The following RBFOX3 variants were observed in gnomAD, a reference collection of about 807,000 sequenced individuals.
RBFOX3 encodes RNA binding fox-1 homolog 3.
A neutral mutation model predicts 48.7 loss-of-function variants in RBFOX3; 17 were observed. The ratio of observed to expected loss-of-function variants is 0.35; its 90% confidence interval spans 0.24 to 0.52. The LOEUF is 0.52. Ranked by LOEUF, RBFOX3 falls within the 20% of genes least tolerant of loss-of-function variation. RBFOX3 has a pLI of 0.94. For synonymous variants in RBFOX3, 212 were observed against 209.5 expected, an observed-to-expected ratio of 1.01 and a Z score of -0.10; for missense variants, 382 against 497.5, an observed-to-expected ratio of 0.77 and a Z score of 2.21.
At chr17:79,250,797 C>A in intron 3 of RBFOX3, among the ~76,000 whole-genome samples, 1 of 115,898 alleles carries the variant, frequency 8.6e-6, no homozygotes, top group East Asian at 3.0e-4. Context: ...CCCTTCCTTT[C>A]CCTCCCTCCC....
intron 4 of RBFOX3, among the ~76,000 whole-genome samples, chr17:79,142,734 T>C (rs1293279551): frequency 6.6e-6 from 1 of 152,146 alleles, no homozygotes; most frequent in Non-Finnish European, 1.5e-5. Flanking sequence ...TGACCCAGTC[T>C]GGGGCTCTTA....
At chr17:79,373,869 T>C (rs1185480854) in intron 2 of RBFOX3, among the ~76,000 whole-genome samples, 2 of 149,884 alleles carry the variant, frequency 1.3e-5, no homozygotes, top group Admixed American at 1.3e-4. Context: ...GTTTTTGTTT[T>C]TGTTTTGAGA....
intron 4 of RBFOX3, among the ~76,000 whole-genome samples, chr17:79,215,309 C>G (rs2058896711): frequency 6.6e-6 from 1 of 152,194 alleles, no homozygotes; most frequent in South Asian, 2.1e-4. Context: ...GGCTGCAGCC[C>G]CGTCAACCAA....
Position 79,411,439 on chromosome 17 carries a change from C to T in RBFOX3, c.-175+71015G>A, listed in dbSNP as rs561233210. ...GTCCCTCTGTGTGGAGCATTCTTCCCTGGGGAGCGTGTTCAGCCTTGGCCT... is the reference window on the plus strand; with the variant it reads ...GTCCCTCTGTGTGGAGCATTCTTCCTTGGGGAGCGTGTTCAGCCTTGGCCT... On this transcript the variant is annotated intron_variant, in intron 2 of 14. Coordinates refer to ENST00000693108, the MANE Select transcript of RBFOX3 (RefSeq NM_001350451.2). 2.6e-5 allele frequency among the ~76,000 whole-genome samples: 4 copies of T among 152,304 alleles called. No individual in the cohort carries two copies. The South Asian group carries it at 8.3e-4, about 32-fold the overall frequency.
At chr17:79,228,279 C>T (rs2060570137) in intron 4 of RBFOX3, among the ~76,000 whole-genome samples, 1 of 152,294 alleles carries the variant, frequency 6.6e-6, no homozygotes, top group African/African-American at 2.4e-5. Flanking sequence ...GGCGGGGTGG[C>T]CATGAAGCCT....
chr17:79,621,262 G>A, the RBFOX3 span, among the ~76,000 whole-genome samples: 4 of 152,098 alleles, frequency 2.6e-5, no homozygotes, highest in African/African-American at 9.6e-5. Flanking sequence ...GCCTCCCAAA[G>A]TGCTGGAATT....
intron 1 of RBFOX3, among the ~76,000 whole-genome samples, chr17:79,607,742 A>G (rs2093866928): frequency 6.6e-6 from 1 of 152,126 alleles, no homozygotes; most frequent in African/African-American, 2.4e-5. Flanking sequence ...TGGCTGGGAG[A>G]GAGGTGTCAA....
At chr17:79,448,313 G>C (rs1180781357) in intron 2 of RBFOX3, among the ~76,000 whole-genome samples, 1 of 152,178 alleles carries the variant, frequency 6.6e-6, no homozygotes, top group East Asian at 1.9e-4. Flanking sequence ...ATGTGTCCAA[G>C]TCCTAACCTG....
intron 3 of RBFOX3, among the ~76,000 whole-genome samples, chr17:79,279,782 AG>A (rs1249100756): frequency 1.3e-5 from 2 of 152,178 alleles, no homozygotes; most frequent in African/African-American, 4.8e-5. Flanking sequence ...CACCCCAGGC[AG>A]GGGGAGGTCA....
chr17:79,551,006 C>T (rs1375282076), intron 1 of RBFOX3, among the ~76,000 whole-genome samples: 1 of 152,128 alleles, frequency 6.6e-6, no homozygotes, highest in Non-Finnish European at 1.5e-5. Context: ...AGCCGCTAGC[C>T]CCATGTGGCT....
intron 1 of RBFOX3, among the ~76,000 whole-genome samples, chr17:79,609,965 G>A (rs886256824): frequency 6.3e-4 from 95 of 151,988 alleles, no homozygotes; most frequent in Non-Finnish European, 1.1e-3. Context: ...GGGCGTGCCC[G>A]GCTTTCCCAG....
At chr17:79,270,571 G>A (rs575616051) in intron 3 of RBFOX3, among the ~76,000 whole-genome samples, 51 of 152,332 alleles carry the variant, frequency 3.3e-4, no homozygotes, top group African/African-American at 1.0e-3. Flanking sequence ...AACAAGGGCC[G>A]CCATTTCTCA....
At chr17:79,622,248 G>A in the RBFOX3 span, among the ~76,000 whole-genome samples, 643 of 152,300 alleles carry the variant, frequency 4.2e-3, 1 homozygote, top group Non-Finnish European at 7.5e-3. Flanking sequence ...CCGCCTGCCC[G>A]TGGAGCCTGA....
At position 79,610,485 on chromosome 17, in the gene RBFOX3, TGCCACC is replaced by T. The variant is rs1448401979; in HGVS notation, c.-320+335_-320+340del. 5.2e-4 allele frequency among the ~76,000 whole-genome samples: 78 copies of T among 149,952 alleles called. 1 individual carries two copies. Among genetic ancestry groups the T allele is most frequent in the African/African-American group, 1.9e-3 (77 of 41,256 alleles). The stretch of plus-strand genomic sequence containing the variant: ...CCACCACCGCCACCGCCACCGCCAC[TGCCACC>T]GCCACGCAGCGCGCGGGACTCCCTG... On this transcript the variant is annotated intron_variant, in intron 1 of 14. Transcript: ENST00000693108.
chr17:79,542,491 C>G (rs558445516), intron 1 of RBFOX3, among the ~76,000 whole-genome samples: 2 of 149,436 alleles, frequency 1.3e-5, no homozygotes, highest in Admixed American at 6.6e-5. Context: ...GGCAGTCCCA[C>G]GGGCAATTTT....
At chr17:79,544,337 C>T (rs782389694) in intron 1 of RBFOX3, among the ~76,000 whole-genome samples, 15 of 152,154 alleles carry the variant, frequency 9.9e-5, no homozygotes, top group Non-Finnish European at 2.1e-4. Flanking sequence ...GTTGGGCACT[C>T]GCTGTGGGCT....
At chr17:79,323,271 AG>A (rs1411776259) in intron 2 of RBFOX3, among the ~76,000 whole-genome samples, 3 of 152,228 alleles carry the variant, frequency 2.0e-5, no homozygotes, top group Admixed American at 2.0e-4. Context: ...ACATTGAGCT[AG>A]GGCATCTCAA....
At position 79,421,352 on chromosome 17, in the gene RBFOX3, G is replaced by A. The variant is rs1369492457; in HGVS notation, c.-175+61102C>T. Among the ~76,000 whole-genome samples, 1 of 152,208 alleles carries A rather than the reference G, an allele frequency of 6.6e-6. No individual in the cohort carries two copies. Among genetic ancestry groups the A allele is most frequent in the Non-Finnish European group, 1.5e-5 (1 of 68,038 alleles). ...GGAAGCCTCTACGCTTGAGGCTGGT[G>A]TCAGAAGTGGGGCTGCTTGAAGTGG... is the stretch of plus-strand genomic sequence containing the variant. On this transcript the variant is annotated intron_variant, in intron 2 of 14. Transcript: ENST00000693108. This position sits in a 1 kb window ranked among gnomAD's most constrained non-coding sequence, Gnocchi z 4.5.
chr17:79,274,116 C>T lies in RBFOX3; in HGVS notation c.-74+33608G>A, dbSNP rs145594836. Among the ~76,000 whole-genome samples the T allele has an allele frequency of 5.5e-4, 83 of 152,258 alleles. 2 individuals are homozygous for T. The highest frequency in any genetic ancestry group is 1.9e-3 in the African/African-American group (78 of 41,542). On this transcript the variant is annotated intron_variant, in intron 3 of 14. Coordinates refer to ENST00000693108, the MANE Select transcript of RBFOX3 (RefSeq NM_001350451.2). The stretch of plus-strand genomic sequence containing the variant: ...CTGAGAGAAGGCGGTGTGCCCTGGC[C>T]GGTCCTCCCACCAGCAGTGTCCACC...
Sources: allele counts gnomAD v4.1 joint callset (sites outside exome capture counted in the v4.1 genomes callset), GRCh38; gene constraint gnomAD v4.1.1; non-coding constraint Gnocchi (gnomAD v3.1); transcripts MANE v1.5; gene names NCBI Gene and HGNC (gene_info 2026-07-23, HGNC 2026-07-21).